Variants in TSC22D1 observed in about 807,000 individuals in gnomAD.
TSC22D1 encodes TSC22 domain family member 1, also known as TSC22 domain family protein 1.
A neutral mutation model predicts 74.2 loss-of-function variants in TSC22D1; 9 were observed. That is an observed-to-expected ratio of 0.12 (90% CI 0.07 to 0.21). The LOEUF (loss-of-function observed/expected upper bound fraction) is 0.21. TSC22D1 is among the 10% of genes least tolerant of loss of function. The probability of loss-of-function intolerance (pLI) is 1.00; values close to 1 mark genes in which losing one functional copy is unlikely to be tolerated. For synonymous variants in TSC22D1, 586 were observed against 492.5 expected, an observed-to-expected ratio of 1.19 and a Z score of -2.51; for missense variants, 1,427 against 1,304.7, an observed-to-expected ratio of 1.09 and a Z score of -1.44.
chr13:44,489,535 A>T (rs1441163368), intron 1 of TSC22D1, among the ~76,000 whole-genome samples: 1 of 152,032 alleles, frequency 6.6e-6, no homozygotes, highest in Non-Finnish European at 1.5e-5. Flanking sequence ...CCACTAGAAA[A>T]ATAGGCAAGG....
At chr13:44,437,109 C>A in intron 1 of TSC22D1, 1 of 981,990 alleles carries the variant, frequency 1.0e-6, no homozygotes, top group Non-Finnish European at 1.2e-6. Context: ...AAACACTGGG[C>A]CATTGCTTCG....
chr13:44,574,174 G>A lies in TSC22D1; in HGVS notation c.1901C>T (p.Pro634Leu), dbSNP rs1173945539. 6.2e-7 allele frequency: 1 copy of A among 1,614,244 alleles called. No homozygotes were observed. The highest frequency in any genetic ancestry group is 2.2e-5 in the East Asian group (1 of 44,890). ...TGGGGCCATCTGTGTAGAAACCATT[G>A]GTTGCTGTTGTCCATACTGTAACTG... is the stretch of plus-strand genomic sequence containing the variant. ...PQQLQYGQQQ[P>L]MVSTQMAPGH... Residue 634 changes from proline to leucine, a missense_variant, in exon 1 of 3, where the codon CCA becomes CTA. By Grantham distance (98) the Pro-to-Leu change is moderately conservative. Transcript: ENST00000458659.
intron 1 of TSC22D1, among the ~76,000 whole-genome samples, chr13:44,513,255 T>A (rs1027766251): frequency 2.6e-5 from 4 of 152,226 alleles, no homozygotes; most frequent in African/African-American, 9.6e-5. Flanking sequence ...GTCTCTCTGA[T>A]ACCATTTTGC....
At chr13:44,471,350 C>T (rs1403055166) in intron 1 of TSC22D1, among the ~76,000 whole-genome samples, 2 of 152,200 alleles carry the variant, frequency 1.3e-5, no homozygotes, top group African/African-American at 2.4e-5. Context: ...TAAATTATCT[C>T]TTCCAACATA....
At chr13:44,537,406 A>T in intron 1 of TSC22D1, 1 of 985,132 alleles carries the variant, frequency 1.0e-6, no homozygotes, top group Non-Finnish European at 1.2e-6. Context: ...TAAGGAACAG[A>T]GCTAAAATTC....
chr13:44,442,567 T>G (rs986987915), intron 1 of TSC22D1, among the ~76,000 whole-genome samples: 1 of 152,056 alleles, frequency 6.6e-6, no homozygotes, highest in Non-Finnish European at 1.5e-5. Flanking sequence ...GTAGTATTAG[T>G]GATATATGAG....
intron 1 of TSC22D1, among the ~76,000 whole-genome samples, chr13:44,565,564 T>G: frequency 6.6e-6 from 1 of 152,272 alleles, no homozygotes; most frequent in Non-Finnish European, 1.5e-5. Context: ...TTTTTCAACC[T>G]TGTGTAGTTT....
intron 1 of TSC22D1, among the ~76,000 whole-genome samples, chr13:44,512,441 T>C (rs1265239751): frequency 6.6e-6 from 1 of 151,750 alleles, no homozygotes; most frequent in Non-Finnish European, 1.5e-5. Flanking sequence ...AGTGCTGGGA[T>C]TACAGGTGTG....
chr13:44,552,650 A>G (rs1566170436), intron 1 of TSC22D1, among the ~76,000 whole-genome samples: 1 of 152,222 alleles, frequency 6.6e-6, no homozygotes, highest in Non-Finnish European at 1.5e-5. Flanking sequence ...CTCACATGAC[A>G]ATAATTATAC....
At chr13:44,490,092 A>G (rs1321284830) in intron 1 of TSC22D1, among the ~76,000 whole-genome samples, 2 of 152,214 alleles carry the variant, frequency 1.3e-5, no homozygotes, top group African/African-American at 2.4e-5. Flanking sequence ...CCAAATATCT[A>G]TCAACAGAAT....
At chr13:44,503,921 A>G (rs1879325430) in intron 1 of TSC22D1, among the ~76,000 whole-genome samples, 1 of 152,114 alleles carries the variant, frequency 6.6e-6, no homozygotes, top group African/African-American at 2.4e-5. Context: ...TCATGACAAA[A>G]TAATACAGTA....
intron 1 of TSC22D1, among the ~76,000 whole-genome samples, chr13:44,553,383 A>C (rs1882417558): frequency 6.6e-6 from 1 of 152,188 alleles, no homozygotes. Context: ...ATTAGAAAAA[A>C]ACTAGTTTTG....
intron 1 of TSC22D1, among the ~76,000 whole-genome samples, chr13:44,562,836 G>A (rs1023160756): frequency 3.3e-5 from 5 of 152,126 alleles, no homozygotes; most frequent in African/African-American, 4.8e-5. Context: ...GCCGGGAGCC[G>A]TGGCTCATGC....
At chr13:44,435,834 G>C (rs1874556434) in intron 2 of TSC22D1, 1 of 602,384 alleles carries the variant, frequency 1.7e-6, no homozygotes, top group Non-Finnish European at 3.0e-6. Context: ...CGGGGAAGAA[G>C]ACCATTTAAT....
chr13:44,496,351 C>T (rs1878975473), intron 1 of TSC22D1, among the ~76,000 whole-genome samples: 1 of 152,070 alleles, frequency 6.6e-6, no homozygotes, highest in Non-Finnish European at 1.5e-5. Context: ...GCCTGGACAA[C>T]ATAGGGAGAC....
Position 44,457,308 on chromosome 13 carries a change from T to C in TSC22D1, c.2913-21213A>G, listed in dbSNP as rs547847923. 2.2e-4 allele frequency among the ~76,000 whole-genome samples: 33 copies of C among 152,350 alleles called. No homozygotes were observed. In the South Asian group the frequency reaches 6.6e-3, roughly 31 times the overall value. On this transcript the variant is annotated intron_variant, in intron 1 of 2. Coordinates refer to ENST00000458659, the MANE Select transcript of TSC22D1 (RefSeq NM_183422.4). ...CTATTCTTTCGCAAAGGATAACTTT[T>C]CTATATAAAAACACGCATTCAACAT...
intron 1 of TSC22D1, among the ~76,000 whole-genome samples, chr13:44,465,979 A>AAAACAAACAAAC (rs3046029): frequency 2.6e-4 from 40 of 151,288 alleles, no homozygotes; most frequent in Admixed American, 6.6e-4. Context: ...GCCTCAAGAA[A>AAAACAAACAAAC]AAACAAACAA....
chr13:44,504,601 CAA>C (rs10577341), intron 1 of TSC22D1, among the ~76,000 whole-genome samples: 47,454 of 96,638 alleles, frequency 0.49, 7,624 homozygotes, highest in Non-Finnish European at 0.52. Flanking sequence ...GAGACTGTCT[CAA>C]AAAAAAAAAA....
chr13:44,486,956 G>A (rs1285400269), intron 1 of TSC22D1, among the ~76,000 whole-genome samples: 1 of 151,940 alleles, frequency 6.6e-6, no homozygotes, highest in African/African-American at 2.4e-5. Context: ...TAGCTTAAAT[G>A]CTTATATTAT....
Sources: gnomAD v4.1 joint callset for allele counts (sites outside exome capture counted in the v4.1 genomes callset) on GRCh38, gnomAD v4.1.1 for gene constraint, MANE v1.5 for transcripts, NCBI Gene and HGNC (gene_info 2026-07-23, HGNC 2026-07-21) for gene names.